BAZ1B: variants seen among roughly 807,000 people sequenced by gnomAD.
BAZ1B encodes the protein tyrosine-protein kinase BAZ1B.
Under a neutral mutation model 153.8 loss-of-function variants are expected in BAZ1B, and 22 were observed. The ratio of observed to expected loss-of-function variants is 0.14; its 90% CI spans 0.10 to 0.20. The LOEUF (loss-of-function observed/expected upper bound fraction) is 0.20. Ranked by LOEUF, BAZ1B falls within the 10% of genes least tolerant of loss-of-function variation. The pLI is 1.00. For synonymous variants in BAZ1B, 676 were observed against 633.4 expected (o/e 1.07, Z -1.01); for missense variants, 1,325 against 1,799.3 (o/e 0.74, Z 4.77).
chr7:73,515,456 G>GTCA (rs1790758757), intron 1 of BAZ1B, among the ~76,000 whole-genome samples: 1 of 151,082 alleles, frequency 6.6e-6, no homozygotes, highest in Non-Finnish European at 1.5e-5. Context: ...ATGTCTTCTA[G>GTCA]CTCTTTCTTT....
At chr7:73,514,271 C>T (rs554323313) in intron 1 of BAZ1B, among the ~76,000 whole-genome samples, 37 of 152,254 alleles carry the variant, frequency 2.4e-4, no homozygotes, top group South Asian at 4.1e-4. Context: ...TGGCTCATGC[C>T]TATAATCCTG....
At chr7:73,512,028 CAAAAAAAAAAAAAAAAA>C (rs1168749967) in intron 1 of BAZ1B, among the ~76,000 whole-genome samples, 3 of 34,752 alleles carry the variant, frequency 8.6e-5, no homozygotes, top group East Asian at 1.0e-3. Context: ...AACTCCACCT[CAAAAAAAAAAAAAAAAA>C]AAAAAAAAAA....
chr7:73,449,788 G>A (rs1787967728), intron 14 of BAZ1B, 99 bp from the exon 15 acceptor site: 1 of 1,331,218 alleles, frequency 7.5e-7, no homozygotes, highest in Non-Finnish European at 1.0e-6. Flanking sequence ...GGCACACGAG[G>A]AGACATGTTC....
At chr7:73,508,214 AAATAT>A in intron 3 of BAZ1B, 108 bp downstream of exon 3, 1 of 1,182,516 alleles carries the variant, frequency 8.5e-7, no homozygotes, top group African/African-American at 1.6e-5. Context: ...ACTTAACATT[AAATAT>A]AATACTAAAT....
At chr7:73,510,666 T>TA in intron 2 of BAZ1B, 70 bp downstream of exon 2, 5 of 1,404,696 alleles carry the variant, frequency 3.6e-6, no homozygotes, top group Non-Finnish European at 5.0e-6. Flanking sequence ...CATACTGCTT[T>TA]AGGGTTAATA....
At chr7:73,452,117 T>A (rs1788043221) in intron 13 of BAZ1B, among the ~76,000 whole-genome samples, 1 of 152,216 alleles carries the variant, frequency 6.6e-6, no homozygotes, top group African/African-American at 2.4e-5. Context: ...TTTTTTAAAT[T>A]TGAAGGTGTT....
intron 11 of BAZ1B, among the ~76,000 whole-genome samples, chr7:73,465,147 C>T (rs1392233202): frequency 6.6e-6 from 1 of 152,152 alleles, no homozygotes; most frequent in African/African-American, 2.4e-5. Flanking sequence ...ACCCACCCAT[C>T]TGGGCCTCCA....
chr7:73,475,113 A>AGG (rs1788949179), intron 7 of BAZ1B, among the ~76,000 whole-genome samples: 1 of 152,232 alleles, frequency 6.6e-6, no homozygotes, highest in Non-Finnish European at 1.5e-5. Context: ...CAGAACCTTT[A>AGG]ATTCACTGCT....
Position 73,449,548 on chromosome 7 carries a change from C to A in BAZ1B, c.3722G>T (p.Arg1241Leu). 6.2e-7 allele frequency: 1 copy of A among 1,609,772 alleles called. No individual in the cohort carries two copies. The highest frequency in any genetic ancestry group is 8.5e-7 in the Non-Finnish European group (1 of 1,178,634). Reference sequence around the variant, plus strand: ...TAAAAGAAAAGATTCTCACCTGCCACGGGAGTTGCGCCTGGCAGTAGCGGG... The same window carrying A: ...TAAAAGAAAAGATTCTCACCTGCCAAGGGAGTTGCGCCTGGCAGTAGCGGG... ...CQPATARRNSRGRNYTEESAS... is the reference protein window; with the variant it reads ...CQPATARRNSLGRNYTEESAS... The change falls in exon 15 of 20, where the codon CGT (arginine) becomes CTT (leucine). Residue 1241 changes from arginine to leucine, a missense_variant. Physicochemically the swap from Arg to Leu is moderately radical, Grantham distance 102. Transcript: ENST00000339594.
intron 14 of BAZ1B, 34 bp from the exon 15 acceptor site, chr7:73,449,723 G>A (rs781875533): frequency 6.8e-6 from 11 of 1,607,840 alleles, no homozygotes; most frequent in Non-Finnish European, 9.3e-6. Flanking sequence ...GCATTGTTGG[G>A]AGCACAGCAG....
chr7:73,447,427 G>A, intron 15 of BAZ1B, 48 bp from the exon 16 acceptor site: 2 of 1,569,232 alleles, frequency 1.3e-6, no homozygotes, highest in Non-Finnish European at 1.7e-6. Flanking sequence ...AGCCCAAAGT[G>A]GTCCTAAGAA....
chr7:73,493,877 T>C (rs573288573), intron 4 of BAZ1B, among the ~76,000 whole-genome samples: 1 of 149,658 alleles, frequency 6.7e-6, no homozygotes, highest in Admixed American at 6.7e-5. Flanking sequence ...GAGAATACGA[T>C]ATGACCTGTT....
intron 7 of BAZ1B, among the ~76,000 whole-genome samples, chr7:73,474,600 A>AACCC (rs1464391005): frequency 6.6e-6 from 1 of 152,092 alleles, no homozygotes. Context: ...ACATGGTGAA[A>AACCC]ACCCACCTCT....
At chr7:73,516,333 C>T (rs1790797753) in intron 1 of BAZ1B, among the ~76,000 whole-genome samples, 1 of 151,924 alleles carries the variant, frequency 6.6e-6, no homozygotes, top group Non-Finnish European at 1.5e-5. Flanking sequence ...TTTTTCCCAC[C>T]ATTTTTTTCT....
chr7:73,469,357 T>C (rs1368909792), intron 9 of BAZ1B, among the ~76,000 whole-genome samples, 160 bp downstream of exon 9: 2 of 152,202 alleles, frequency 1.3e-5, no homozygotes, highest in Non-Finnish European at 2.9e-5. Flanking sequence ...TTTCTCTCCT[T>C]CTTTCTACAC....
chr7:73,440,517 CAACA>C lies in BAZ1B; in HGVS notation c.*1188_*1191del. The C allele has an allele frequency of 6.6e-6, 1 of 150,698 alleles. No individual in the cohort carries two copies. Among genetic ancestry groups the C allele is most frequent in the African/African-American group, 2.4e-5 (1 of 40,974 alleles). The allele number at this position is 150,698 out of a possible 1,614,324, so 9.3% of individuals were successfully genotyped here. ...TGAAGACAATAAAAAAAAAAAACAA[CAACA>C]AACAATTCAGGTGTCACTGAAGTGG... On this transcript the variant is annotated 3_prime_UTR_variant, in exon 20 of 20. Transcript: ENST00000339594.
intron 1 of BAZ1B, among the ~76,000 whole-genome samples, chr7:73,512,967 A>T (rs1216855911): frequency 6.6e-6 from 1 of 151,994 alleles, no homozygotes; most frequent in African/African-American, 2.4e-5. Context: ...TTATGTATTT[A>T]TTTTTGACAC....
intron 13 of BAZ1B, among the ~76,000 whole-genome samples, chr7:73,454,099 G>C (rs1444836207): frequency 6.6e-6 from 1 of 151,974 alleles, no homozygotes; most frequent in Non-Finnish European, 1.5e-5. Context: ...AGGAGTTCAA[G>C]ATCAGCCTGG....
At chr7:73,521,758 C>A in intron 1 of BAZ1B, 69 bp downstream of exon 1, 3 of 1,341,460 alleles carry the variant, frequency 2.2e-6, no homozygotes, top group South Asian at 2.8e-5. Flanking sequence ...CTGACCTGGT[C>A]TCGCGAGCCC....
Sources: allele counts gnomAD v4.1 joint callset (sites outside exome capture counted in the v4.1 genomes callset), GRCh38; gene constraint gnomAD v4.1.1; transcripts MANE v1.5; gene names NCBI Gene and HGNC (gene_info 2026-07-23, HGNC 2026-07-21).